IQSEC2: variants seen among roughly 807,000 people sequenced by gnomAD.
IQSEC2 encodes IQ motif and SEC7 domain-containing protein 2.
A neutral mutation model predicts 74.6 loss-of-function variants in IQSEC2; 6 were observed. The ratio of observed to expected loss-of-function variants is 0.08; its 90% CI spans 0.04 to 0.16. The LOEUF is 0.16. Ranked by LOEUF, IQSEC2 falls within the 10% of genes least tolerant of loss-of-function variation. The pLI, the probability that IQSEC2 is intolerant of heterozygous loss-of-function variation, is 1.00. For synonymous variants in IQSEC2, 494 were observed against 544.5 expected (o/e 0.91, Z 1.29); for missense variants, 734 against 1,306.2 (o/e 0.56, Z 6.75).
At chrX:53,297,970 A>T (rs1195799848) in intron 1 of IQSEC2, among the ~76,000 whole-genome samples, 1 of 111,161 alleles carries the variant, frequency 9.0e-6, no homozygotes, top group African/African-American at 3.3e-5. Context: ...TCTGTACTAA[A>T]AATACAAAAA....
At chrX:53,276,341 G>T (rs781951616) in intron 2 of IQSEC2, among the ~76,000 whole-genome samples, 1 of 111,834 alleles carries the variant, frequency 8.9e-6, no homozygotes, top group East Asian at 2.8e-4. Context: ...TCTATTATGT[G>T]TTCTAATTAG....
Position 53,233,671 on chromosome X carries a change from C to T in IQSEC2, c.*548G>A. The T allele has an allele frequency of 3.5e-6, 1 of 281,844 alleles. No individual in the cohort carries two copies. Among genetic ancestry groups the T allele is most frequent in the East Asian group, 5.1e-5 (1 of 19,731 alleles). The allele number at this position is 281,844 out of a possible 1,213,427, so 23.2% of individuals were successfully genotyped here. A position where few individuals can be genotyped will look rare whatever the true frequency, so the allele number is the denominator to read the frequency against. On this transcript the variant is annotated 3_prime_UTR_variant, in exon 15 of 15. Transcript: ENST00000642864. The stretch of plus-strand genomic sequence containing the variant: ...CACCAAGTGCATCAATGGTCCGTGT[C>T]CTCCAGCAGGCAAAAAGACACATGG...
At chrX:53,270,337 C>T (rs111377486) in intron 2 of IQSEC2, among the ~76,000 whole-genome samples, 3,097 of 111,348 alleles carry the variant, frequency 0.028, 54 homozygotes, top group Non-Finnish European at 0.042. Context: ...TTCTACTCCT[C>T]TCACTCCTTC....
chrX:53,235,321 G>A (rs781978823), intron 14 of IQSEC2, 137 bp from the exon 15 acceptor site: 2 of 786,799 alleles, frequency 2.5e-6, no homozygotes, highest in Non-Finnish European at 3.6e-6. Context: ...ATCACAGTCC[G>A]GTACGCGTAT....
chrX:53,233,300 T>G lies in IQSEC2; in HGVS notation c.*919A>C, dbSNP rs1420896054. ...GGATATCTTGGGCTCATGGTGGCCC[T>G]TTGGGAGCCTCTCTCCCCAGGGCTG... On this transcript the variant is annotated 3_prime_UTR_variant, in exon 15 of 15. Transcript: ENST00000642864. The G allele has an allele frequency of 8.9e-6, 1 of 111,993 alleles. No homozygotes were observed. Among genetic ancestry groups the G allele is most frequent in the Non-Finnish European group, 1.9e-5 (1 of 53,077 alleles). The allele number at this position is 111,993 out of a possible 1,213,427, so 9.2% of individuals were successfully genotyped here.
rs782155154 is a variant in IQSEC2, at chrX:53,306,071, A to G, written c.708-14147T>C. Among the ~76,000 whole-genome samples the G allele has an allele frequency of 2.8e-3, 311 of 112,572 alleles. 2 individuals are homozygous for G. Among genetic ancestry groups the G allele is most frequent in the African/African-American group, 9.7e-3 (301 of 31,058 alleles). Reference sequence around the variant, plus strand: ...TCTCTCCTCTCTCTGCTGGAGGCAGAGAGATAGAGGTTCAGCCATGATGGG... The same window carrying G: ...TCTCTCCTCTCTCTGCTGGAGGCAGGGAGATAGAGGTTCAGCCATGATGGG... On this transcript the variant is annotated intron_variant, in intron 1 of 14. Transcript: ENST00000642864.
chrX:53,252,380 A>C (rs1319771840), intron 4 of IQSEC2, among the ~76,000 whole-genome samples: 56 of 111,192 alleles, frequency 5.0e-4, no homozygotes, highest in Middle Eastern at 4.2e-3. Context: ...TTATTAAAAA[A>C]AAAAAAAAAA....
intron 2 of IQSEC2, among the ~76,000 whole-genome samples, chrX:53,275,258 C>T (rs945203568): frequency 4.5e-5 from 5 of 110,332 alleles, no homozygotes; most frequent in Admixed American, 9.7e-5. Flanking sequence ...CTCCACCTCC[C>T]GGGTTTAAGC....
intron 2 of IQSEC2, among the ~76,000 whole-genome samples, chrX:53,278,012 T>C (rs1231292875): frequency 2.6e-4 from 20 of 76,153 alleles, no homozygotes; most frequent in Non-Finnish European, 3.8e-4. Flanking sequence ...TCTTTTTTTT[T>C]TTTTTTTTTT....
At chrX:53,267,059 T>C in intron 2 of IQSEC2, 1 of 1,151,549 alleles carries the variant, frequency 8.7e-7, no homozygotes, top group Non-Finnish European at 1.1e-6. Flanking sequence ...CTCCTCCTCC[T>C]CTTCCCTGGG....
At chrX:53,267,188 G>C (rs1041715289) in intron 2 of IQSEC2, 1 of 1,011,164 alleles carries the variant, frequency 9.9e-7, no homozygotes, top group Non-Finnish European at 1.3e-6. Context: ...GGTGGGACGA[G>C]AATGGGGGTC....
intron 10 of IQSEC2, among the ~76,000 whole-genome samples, chrX:53,240,014 G>C (rs1368874804): frequency 8.9e-6 from 1 of 112,045 alleles, no homozygotes; most frequent in Non-Finnish European, 1.9e-5. Context: ...GCCTAGCATA[G>C]AGCTGGACAT....
At chrX:53,281,024 T>A (rs1556870758) in intron 2 of IQSEC2, among the ~76,000 whole-genome samples, 1 of 112,583 alleles carries the variant, frequency 8.9e-6, no homozygotes, top group African/African-American at 3.2e-5. Flanking sequence ...AGGGAATCTT[T>A]GAATCTGAGA....
chrX:53,301,773 C>G (rs782137977), intron 1 of IQSEC2, among the ~76,000 whole-genome samples: 1 of 112,136 alleles, frequency 8.9e-6, no homozygotes, highest in Non-Finnish European at 1.9e-5. Context: ...GTCTATAGAG[C>G]CTTAGGCCTC....
intron 2 of IQSEC2, among the ~76,000 whole-genome samples, chrX:53,284,100 T>C (rs2075002221): frequency 1.8e-5 from 2 of 110,771 alleles, no homozygotes; most frequent in South Asian, 7.7e-4. Flanking sequence ...GAAGAGCAAT[T>C]TGGAAGCCTG....
In IQSEC2 at chrX:53,288,702, C is replaced by CT. The variant is rs201683588; in HGVS notation, c.737+3192dup. Among the ~76,000 whole-genome samples, 796 of 112,462 alleles carry CT rather than the reference C, an allele frequency of 7.1e-3. 8 individuals carry two copies. Among genetic ancestry groups the CT allele is most frequent in the African/African-American group, 0.025 (764 of 30,928 alleles). On this transcript the variant is annotated intron_variant, in intron 2 of 14. Coordinates refer to ENST00000642864, the MANE Select transcript of IQSEC2 (RefSeq NM_001111125.3). ...CTATTTCACACCAAGCATTGCTTTACTTTAAGTTCTCTCATCAACCCAGAG... is the reference window on the plus strand; with the variant it reads ...CTATTTCACACCAAGCATTGCTTTACTTTTAAGTTCTCTCATCAACCCAGAG...
rs1569291449 is a variant in IQSEC2, at chrX:53,234,680, A to G, written c.4006T>C (p.Leu1336=). 4.4e-6 allele frequency: 5 copies of G among 1,138,428 alleles called. No homozygotes were observed. The highest frequency in any genetic ancestry group is 5.8e-6 in the Non-Finnish European group (5 of 858,454). 93.8% of individuals were successfully genotyped at this position (1,138,428 alleles called of 1,213,427 possible). ...CTGGGTGCCCTGCCTGGCCGGCCCA[A>G]GGTATAGTGTTGGGGCCCTGGGACT... The part of the protein sequence containing the change: ...GPVPGPQHYT[L]GRPGRAPRRG... Residue 1336 remains leucine, a synonymous_variant, in exon 15 of 15, where the codon TTG becomes CTG. Coordinates refer to ENST00000642864, the MANE Select transcript of IQSEC2 (RefSeq NM_001111125.3).
intron 2 of IQSEC2, among the ~76,000 whole-genome samples, chrX:53,260,948 G>A (rs1443304734): frequency 9.0e-6 from 1 of 111,153 alleles, no homozygotes; most frequent in Non-Finnish European, 1.9e-5. Context: ...GCTCCGTGCT[G>A]CCCCTGGCTC....
rs187194772 is a variant in IQSEC2 at position 53,315,890 on chromosome X, G to T, written c.707+4527C>A. The stretch of plus-strand genomic sequence containing the variant: ...GAGGAAAGGGCAGGCAGCAAGTCTG[G>T]TCTGACGTCTTCCTCCCAGCTGCCA... On this transcript the variant is annotated intron_variant, in intron 1 of 14. Transcript: ENST00000642864. 5.7e-3 allele frequency among the ~76,000 whole-genome samples: 630 copies of T among 111,448 alleles called. 2 individuals are homozygous for T. Among genetic ancestry groups the T allele is most frequent in the Non-Finnish European group, 9.1e-3 (484 of 53,018 alleles).
Sources: allele counts gnomAD v4.1 joint callset (sites outside exome capture counted in the v4.1 genomes callset), GRCh38; gene constraint gnomAD v4.1.1; transcripts MANE v1.5; gene names NCBI Gene and HGNC (gene_info 2026-07-23, HGNC 2026-07-21).